ATF7IP: variants seen among roughly 807,000 people sequenced by gnomAD.
ATF7IP encodes activating transcription factor 7-interacting protein 1.
A neutral mutation model predicts 106.4 loss-of-function variants in ATF7IP; 23 were observed. That is an observed-to-expected ratio of 0.22 (90% confidence interval 0.16 to 0.31). ATF7IP has a LOEUF of 0.31. Ranked by LOEUF, ATF7IP falls within the 10% of genes least tolerant of loss-of-function variation. ATF7IP has a pLI of 1.00. For synonymous variants in ATF7IP, 542 were observed against 539.0 expected, an observed-to-expected ratio of 1.01 and a Z score of -0.08; for missense variants, 1,334 against 1,524.3, an observed-to-expected ratio of 0.88 and a Z score of 2.08.
chr12:14,444,609 A>G (rs1942863427), intron 5 of ATF7IP, among the ~76,000 whole-genome samples: 1 of 152,176 alleles, frequency 6.6e-6, no homozygotes, highest in Non-Finnish European at 1.5e-5. Flanking sequence ...TAATTAAAAA[A>G]GAATTGTACA....
Position 14,461,052 on chromosome 12 carries a change from C to T in ATF7IP, c.2716C>T (p.Pro906Ser). The change falls in exon 9 of 15, where the codon CCT becomes TCT. Residue 906 changes from proline to serine, a missense_variant. Around this residue, in one of 10 missense-constraint regions of ATF7IP, gnomAD observed 370 missense variants for 401.2 expected, o/e 0.92. Coordinates refer to ENST00000261168, the MANE Select transcript of ATF7IP (RefSeq NM_018179.5). ...CTATAGTCCATCAACTAATCGAGGT[C>T]CTATACAGATGAAAATTCCAATTTC... ...GLYSPSTNRG[P>S]IQMKIPISAF... is the part of the protein sequence containing the mutation. 1 of 1,614,040 alleles carries T rather than the reference C, an allele frequency of 6.2e-7. No homozygotes were observed. Among genetic ancestry groups the T allele is most frequent in the East Asian group, 2.2e-5 (1 of 44,858 alleles).
chr12:14,462,494 A>G (rs1472768300), intron 9 of ATF7IP, among the ~76,000 whole-genome samples: 2 of 152,032 alleles, frequency 1.3e-5, no homozygotes, highest in African/African-American at 4.8e-5. Context: ...TTTTAAATTC[A>G]TGGTCATGAG....
chr12:14,491,086 C>T (rs1265848470), intron 13 of ATF7IP, among the ~76,000 whole-genome samples: 1 of 152,262 alleles, frequency 6.6e-6, no homozygotes, highest in African/African-American at 2.4e-5. Flanking sequence ...TGACAGCATC[C>T]CTCTCTGCCC....
chr12:14,494,156 AT>A (rs1227586322), intron 13 of ATF7IP, among the ~76,000 whole-genome samples: 1 of 150,876 alleles, frequency 6.6e-6, no homozygotes, highest in Non-Finnish European at 1.5e-5. Context: ...GTCTAATCAC[AT>A]TAAGCAGCCA....
intron 13 of ATF7IP, chr12:14,482,706 C>G (rs1339216804): frequency 6.6e-6 from 1 of 152,154 alleles, no homozygotes; most frequent in Non-Finnish European, 1.5e-5. Context: ...ACAGACACAC[C>G]CAGGATCACT....
intron 1 of ATF7IP, among the ~76,000 whole-genome samples, chr12:14,410,131 A>C (rs1429937583): frequency 1.3e-5 from 2 of 152,154 alleles, no homozygotes; most frequent in Non-Finnish European, 2.9e-5. Context: ...TTCTGTCTGT[A>C]TAGATATAGA....
intron 1 of ATF7IP, among the ~76,000 whole-genome samples, chr12:14,377,357 A>AT (rs748791843): frequency 0.036 from 4,004 of 112,646 alleles, 93 homozygotes; most frequent in African/African-American, 0.082. Context: ...GATTTATCCA[A>AT]TTTTTTTTTT....
intron 9 of ATF7IP, 111 bp downstream of exon 9, chr12:14,461,244 A>G (rs1943628228): frequency 2.0e-6 from 2 of 994,842 alleles, no homozygotes; most frequent in Non-Finnish European, 1.4e-6. Context: ...CAAAATAAAT[A>G]GAATTTTCTT....
At chr12:14,469,320 A>G (rs550564088) in intron 10 of ATF7IP, among the ~76,000 whole-genome samples, 3 of 149,850 alleles carry the variant, frequency 2.0e-5, no homozygotes, top group Admixed American at 6.7e-5. Flanking sequence ...AGCCAAGATA[A>G]TGCCACTGCA....
chr12:14,497,738 C>G lies in ATF7IP; in HGVS notation c.3478C>G (p.Leu1160Val), dbSNP rs750395277. 2.4e-5 allele frequency: 38 copies of G among 1,614,056 alleles called. No individual in the cohort carries two copies. The highest frequency in any genetic ancestry group is 3.1e-5 in the Non-Finnish European group (36 of 1,180,044). ...RLPPEAASTS[L>V]PQKPHLKLAR... ...GCCCCCAGAAGCTGCCAGCACATCT[C>G]TGCCTCAGAAGCCACACTTGAAGTT... Residue 1160 changes from leucine to valine, a missense_variant, in exon 15 of 15, where the codon CTG becomes GTG. Leu to Val is a conservative substitution (Grantham distance 32). Around this residue, in one of 10 missense-constraint regions of ATF7IP, gnomAD observed 80 missense variants for 157.0 expected, o/e 0.51. Coordinates refer to ENST00000261168, the MANE Select transcript of ATF7IP (RefSeq NM_018179.5).
At position 14,425,355 on chromosome 12, in the gene ATF7IP, A is replaced by G; in HGVS notation, c.1440A>G (p.Lys480=). ...KMESSFGSPS[K]QESSESLPKE... is the part of the protein sequence containing the mutation. Reference sequence around the variant, plus strand: ...AAAGTTCTTTTGGTTCACCATCTAAACAAGAAAGTAGTGAGAGTTTGCCAA... The same window carrying G: ...AAAGTTCTTTTGGTTCACCATCTAAGCAAGAAAGTAGTGAGAGTTTGCCAA... The change falls in exon 2 of 15, where the codon AAA becomes AAG. Residue 480 remains lysine, a synonymous_variant. Coordinates refer to ENST00000261168, the MANE Select transcript of ATF7IP (RefSeq NM_018179.5). 1 of 1,613,074 alleles carries G rather than the reference A, an allele frequency of 6.2e-7. No homozygotes were observed. The highest frequency in any genetic ancestry group is 8.5e-7 in the Non-Finnish European group (1 of 1,179,730).
rs558995423 is a variant in ATF7IP at position 14,402,324 on chromosome 12, C to T, written c.-7-21585C>T. Among the ~76,000 whole-genome samples the T allele has an allele frequency of 8.6e-5, 13 of 151,686 alleles. No individual in the cohort carries two copies. In the South Asian group the frequency reaches 1.9e-3, roughly 22 times the overall value. ...TAAATTTGTTGTTGAGATGGGGTCTCGCTGTGTTGCCCAGACTGGTCTTGA... is the reference window on the plus strand; with the variant it reads ...TAAATTTGTTGTTGAGATGGGGTCTTGCTGTGTTGCCCAGACTGGTCTTGA... On this transcript the variant is annotated intron_variant, in intron 1 of 14. Coordinates refer to ENST00000261168, the MANE Select transcript of ATF7IP (RefSeq NM_018179.5).
At chr12:14,483,818 A>T (rs1333043089) in intron 13 of ATF7IP, among the ~76,000 whole-genome samples, 1 of 152,100 alleles carries the variant, frequency 6.6e-6, no homozygotes, top group Non-Finnish European at 1.5e-5. Flanking sequence ...GCTTCAGGAC[A>T]AAGGGGAACA....
intron 5 of ATF7IP, among the ~76,000 whole-genome samples, chr12:14,445,417 G>A (rs1466689265): frequency 6.0e-5 from 9 of 149,820 alleles, no homozygotes; most frequent in Admixed American, 2.7e-4. Context: ...AGAGAGTCTC[G>A]CTTTGTCACC....
intron 10 of ATF7IP, 42 bp from the exon 11 acceptor site, chr12:14,475,848 G>C: frequency 6.5e-7 from 1 of 1,532,680 alleles, no homozygotes; most frequent in South Asian, 1.2e-5. Flanking sequence ...ACGTATATCT[G>C]CCAGAGTTTT....
chr12:14,462,570 T>A (rs943334927), intron 9 of ATF7IP, among the ~76,000 whole-genome samples: 3 of 152,046 alleles, frequency 2.0e-5, no homozygotes, highest in Admixed American at 6.5e-5. Context: ...TTTAAGAGTA[T>A]TTTGTTTAAT....
At chr12:14,443,514 A>C (rs1484780070) in intron 5 of ATF7IP, among the ~76,000 whole-genome samples, 1 of 152,254 alleles carries the variant, frequency 6.6e-6, no homozygotes, top group Non-Finnish European at 1.5e-5. Context: ...ATCTCAGTAC[A>C]TGCCAAATCA....
intron 6 of ATF7IP, among the ~76,000 whole-genome samples, chr12:14,453,654 C>T (rs1003069403): frequency 1.3e-5 from 2 of 149,224 alleles, no homozygotes; most frequent in African/African-American, 4.9e-5. Flanking sequence ...GAAGGAGTTT[C>T]GCTCCTGTCG....
intron 2 of ATF7IP, among the ~76,000 whole-genome samples, chr12:14,433,670 CA>C (rs928729826): frequency 1.0e-3 from 133 of 128,782 alleles, no homozygotes; most frequent in Admixed American, 1.2e-3. Context: ...AACTCAGTCT[CA>C]AAAAAAAAAA....
Sources: gnomAD v4.1 joint callset for allele counts (sites outside exome capture counted in the v4.1 genomes callset) on GRCh38, gnomAD v4.1.1 for gene constraint, gnomAD v4.1.1 regional missense constraint, MANE v1.5 for transcripts, NCBI Gene and HGNC (gene_info 2026-07-23, HGNC 2026-07-21) for gene names.